The following LRP1B variants were observed in gnomAD, a reference collection of about 807,000 sequenced individuals.
LRP1B encodes LDL receptor related protein 1B.
In LRP1B, 217 loss-of-function variants were observed where a neutral mutation model predicts 556.6. The observed-to-expected ratio is 0.39, with a 90% confidence interval of 0.35 to 0.44. LRP1B has a LOEUF of 0.44. Among genes scored for constraint, LRP1B ranks in the 20% least tolerant of loss-of-function variants. The probability of loss-of-function intolerance (pLI) is 1.00; values close to 1 mark genes in which losing one functional copy is unlikely to be tolerated. For synonymous variants in LRP1B, 2,047 were observed against 1,865.8 expected, an observed-to-expected ratio of 1.10 and a Z score of -2.50; for missense variants, 5,053 against 5,620.8, an observed-to-expected ratio of 0.90 and a Z score of 3.23.
rs146727743 is a variant in LRP1B at position 141,515,965 on chromosome 2, T to A, written c.206-35432A>T. On this transcript the variant is annotated intron_variant, in intron 2 of 90. Coordinates refer to ENST00000389484, the MANE Select transcript of LRP1B (RefSeq NM_018557.3). Reference sequence around the variant, plus strand: ...AGACTCATATTTGGTAGAAATAGAATACTTTAAAAAACATATATTGTCTGT... The same window carrying A: ...AGACTCATATTTGGTAGAAATAGAAAACTTTAAAAAACATATATTGTCTGT... Among the ~76,000 whole-genome samples, 141 of 152,310 alleles carry A rather than the reference T, an allele frequency of 9.3e-4. 1 individual carries two copies. Among genetic ancestry groups the A allele is most frequent in the African/African-American group, 3.1e-3 (129 of 41,554 alleles).
chr2:141,417,618 C>T (rs557630549), intron 3 of LRP1B, among the ~76,000 whole-genome samples: 1 of 152,172 alleles, frequency 6.6e-6, no homozygotes, highest in East Asian at 1.9e-4. Context: ...CTATGTTCAC[C>T]ATCGAGGGAC....
intron 32 of LRP1B, among the ~76,000 whole-genome samples, chr2:140,784,247 T>C (rs1272930540): frequency 1.3e-5 from 2 of 152,046 alleles, no homozygotes; most frequent in African/African-American, 2.4e-5. Flanking sequence ...CTCAGTCCCC[T>C]ACCCTGACTT....
In LRP1B at chr2:141,015,772, T is replaced by C; in HGVS notation, c.2114A>G (p.His705Arg). Reference sequence around the variant, plus strand: ...ATCACACCAGTATAATGTGTTGGTGTGAAAGTCCAGAGTTAAACCGTTTGG... The same window carrying C: ...ATCACACCAGTATAATGTGTTGGTGCGAAAGTCCAGAGTTAAACCGTTTGG... The part of the protein sequence containing the change: ...LWPNGLTLDF[H>R]TNTLYWCDAY... Residue 705 changes from histidine (H) to arginine (R), a missense_variant, in exon 13 of 91, where the codon CAC (histidine) becomes CGC (arginine). Physicochemically the swap from His to Arg is conservative, Grantham distance 29. This residue lies in a region of LRP1B where 3,619 missense variants were observed against 3,931.9 expected (regional missense o/e 0.92). Transcript: ENST00000389484. 6.2e-7 allele frequency: 1 copy of C among 1,613,538 alleles called. No individual in the cohort carries two copies. The highest frequency in any genetic ancestry group is 1.3e-5 in the African/African-American group (1 of 75,024).
At chr2:141,772,007 C>T (rs1023081413) in intron 2 of LRP1B, among the ~76,000 whole-genome samples, 4 of 151,912 alleles carry the variant, frequency 2.6e-5, no homozygotes, top group African/African-American at 9.7e-5. Context: ...GTAGTAGAGA[C>T]GGGGTTTCAC....
intron 1 of LRP1B, among the ~76,000 whole-genome samples, chr2:141,898,949 C>T (rs1424626684): frequency 6.6e-6 from 1 of 152,092 alleles, no homozygotes; most frequent in Non-Finnish European, 1.5e-5. Context: ...GGTTGAAACC[C>T]ACTGTCCGAC....
At chr2:141,234,372 A>T (rs568564907) in intron 5 of LRP1B, among the ~76,000 whole-genome samples, 7 of 152,072 alleles carry the variant, frequency 4.6e-5, no homozygotes, top group African/African-American at 1.7e-4. Flanking sequence ...TTTATTTTTT[A>T]TTTTTTATTT....
chr2:141,141,602 A>G (rs75035909), intron 7 of LRP1B, among the ~76,000 whole-genome samples: 16,806 of 152,176 alleles, frequency 0.11, 1,086 homozygotes, highest in South Asian at 0.17. Flanking sequence ...TGTAATGTCA[A>G]CTTAAATTTA....
At chr2:140,553,138 T>C (rs1680606395) in intron 43 of LRP1B, among the ~76,000 whole-genome samples, 1 of 152,052 alleles carries the variant, frequency 6.6e-6, no homozygotes, top group African/African-American at 2.4e-5. Context: ...AAACAATCAT[T>C]ATGAGAAATG....
chr2:141,720,781 G>A (rs965000888), intron 2 of LRP1B, among the ~76,000 whole-genome samples: 13 of 152,042 alleles, frequency 8.6e-5, no homozygotes, highest in South Asian at 2.1e-4. Flanking sequence ...CTTTTATCAC[G>A]AACTATAAAT....
chr2:140,448,871 T>A (rs1474429889), intron 63 of LRP1B, among the ~76,000 whole-genome samples: 4 of 152,058 alleles, frequency 2.6e-5, no homozygotes. Flanking sequence ...ACCTTAAATA[T>A]GTAGAAATTT....
intron 72 of LRP1B, among the ~76,000 whole-genome samples, chr2:140,363,652 G>T (rs1682620807): frequency 6.6e-6 from 1 of 151,278 alleles, no homozygotes; most frequent in Non-Finnish European, 1.5e-5. Context: ...ATCATAATGA[G>T]TTGTATCTAT....
intron 2 of LRP1B, among the ~76,000 whole-genome samples, chr2:141,487,240 A>G (rs10187180): frequency 0.97 from 148,303 of 152,226 alleles, 72,352 homozygotes; most frequent in East Asian, 1. Context: ...CATGATTATT[A>G]TTTCTAAGTA....
chr2:140,754,528 G>T (rs892135024), intron 35 of LRP1B, among the ~76,000 whole-genome samples: 1 of 152,066 alleles, frequency 6.6e-6, no homozygotes, highest in Admixed American at 6.6e-5. Flanking sequence ...ACAAAGCATG[G>T]AAATTCATAA....
intron 1 of LRP1B, among the ~76,000 whole-genome samples, chr2:141,909,527 T>TA (rs1491310602): frequency 1.2e-4 from 1 of 8,412 alleles, no homozygotes; most frequent in Non-Finnish European, 2.4e-4. Flanking sequence ...GTCTCAGACA[T>TA]TTTTTTTTTT....
At position 141,919,777 on chromosome 2, in the gene LRP1B, T is replaced by C. The variant is rs185352677; in HGVS notation, c.83-109376A>G. ...ACAATACGTAACATTTGAATACCTTTTGACACCTTATGAAGTGATTTCATT... is the reference window on the plus strand; with the variant it reads ...ACAATACGTAACATTTGAATACCTTCTGACACCTTATGAAGTGATTTCATT... On this transcript the variant is annotated intron_variant, in intron 1 of 90. Transcript: ENST00000389484. 1.0e-3 allele frequency among the ~76,000 whole-genome samples: 154 copies of C among 152,188 alleles called. 3 individuals carry two copies. The East Asian group carries it at 0.024, about 23-fold the overall frequency.
At chr2:140,642,710 G>C (rs943813701) in intron 41 of LRP1B, among the ~76,000 whole-genome samples, 3 of 152,134 alleles carry the variant, frequency 2.0e-5, no homozygotes, top group African/African-American at 7.2e-5. Context: ...TGGGCATGGT[G>C]GCGGGCGCCT....
In LRP1B at chr2:140,554,774, A is replaced by C. The variant is rs1395521707; in HGVS notation, c.7195-12803T>G. Among the ~76,000 whole-genome samples the C allele has an allele frequency of 2.0e-5, 3 of 151,934 alleles. No homozygotes were observed. The East Asian group carries it at 5.8e-4, about 29-fold the overall frequency. On this transcript the variant is annotated intron_variant, in intron 43 of 90. Coordinates refer to ENST00000389484, the MANE Select transcript of LRP1B (RefSeq NM_018557.3). The stretch of plus-strand genomic sequence containing the variant: ...TTATTTACTGATAGAATAGTAAATA[A>C]ATGAGTGATTAAAAAAACATTTTCT...
chr2:142,050,992 A>G (rs1176715942), intron 1 of LRP1B, among the ~76,000 whole-genome samples: 1 of 152,184 alleles, frequency 6.6e-6, no homozygotes, highest in Non-Finnish European at 1.5e-5. Flanking sequence ...TATAATGTGA[A>G]GAAAGTATCA....
chr2:140,701,981 A>G, intron 39 of LRP1B, 136 bp from the exon 40 acceptor site: 1 of 1,300,030 alleles, frequency 7.7e-7, no homozygotes, highest in Non-Finnish European at 1.1e-6. Flanking sequence ...GAAATGCTTC[A>G]GCTTGGAATA....
Sources: gnomAD v4.1 joint callset for allele counts (sites outside exome capture counted in the v4.1 genomes callset) on GRCh38, gnomAD v4.1.1 for gene constraint, gnomAD v4.1.1 regional missense constraint, MANE v1.5 for transcripts, NCBI Gene and HGNC (gene_info 2026-07-23, HGNC 2026-07-21) for gene names.